UEVLD: variants seen among roughly 807,000 people sequenced by gnomAD.
The protein encoded by UEVLD is ubiquitin-conjugating enzyme E2 variant 3.
UEVLD carries 47 observed loss-of-function variants against 58.6 expected under a neutral mutation model. The observed-to-expected ratio is 0.80, with a 90% CI of 0.63 to 1.02. The LOEUF (loss-of-function observed/expected upper bound fraction) is 1.02, where lower values mean the gene tolerates loss of function less well. Ranked by LOEUF, UEVLD falls within the 50% of genes least tolerant of loss-of-function variation. The pLI is 0.00. For synonymous variants in UEVLD, 197 were observed against 195.3 expected (o/e 1.01, Z -0.07); for missense variants, 510 against 550.6 (o/e 0.93, Z 0.74).
chr11:18,538,280 CT>C (rs757843063), intron 9 of UEVLD, among the ~76,000 whole-genome samples: 318 of 140,916 alleles, frequency 2.3e-3, no homozygotes, highest in Middle Eastern at 7.4e-3. Context: ...TGCACATATT[CT>C]TTTTTTTTTT....
intron 1 of UEVLD, chr11:18,579,508 C>A: frequency 1.0e-6 from 1 of 985,364 alleles, no homozygotes; most frequent in Non-Finnish European, 1.2e-6. Flanking sequence ...TTTGGCACGG[C>A]TCATTCACTT....
chr11:18,537,373 C>G (rs1850853504), intron 9 of UEVLD, among the ~76,000 whole-genome samples: 1 of 146,208 alleles, frequency 6.8e-6, no homozygotes, highest in African/African-American at 2.5e-5. Flanking sequence ...TCGCTGTTAC[C>G]TAGCCTGGTG....
intron 5 of UEVLD, among the ~76,000 whole-genome samples, 165 bp from the exon 6 acceptor site, chr11:18,565,175 C>T (rs1453711448): frequency 1.3e-5 from 2 of 152,090 alleles, no homozygotes; most frequent in Non-Finnish European, 2.9e-5. Context: ...GGAAGGCAGA[C>T]GTTTCCTATT....
At chr11:18,542,982 T>C (rs1434895417) in intron 9 of UEVLD, among the ~76,000 whole-genome samples, 1 of 140,814 alleles carries the variant, frequency 7.1e-6, no homozygotes, top group East Asian at 2.4e-4. Context: ...AGCCTCCGCC[T>C]CCTGGGTTCA....
At chr11:18,541,416 C>A (rs1251362462) in intron 9 of UEVLD, among the ~76,000 whole-genome samples, 2 of 152,198 alleles carry the variant, frequency 1.3e-5, no homozygotes. Context: ...ATAAAAGAGA[C>A]TGATAACTGT....
At chr11:18,548,783 G>A (rs1377718432) in intron 7 of UEVLD, among the ~76,000 whole-genome samples, 1 of 152,190 alleles carries the variant, frequency 6.6e-6, no homozygotes, top group East Asian at 1.9e-4. Flanking sequence ...TGTCCACTGG[G>A]AGATGCATTA....
intron 3 of UEVLD, among the ~76,000 whole-genome samples, chr11:18,574,483 T>A (rs1382774029): frequency 1.3e-5 from 2 of 152,168 alleles, no homozygotes; most frequent in Non-Finnish European, 2.9e-5. Flanking sequence ...CCACTTCAGA[T>A]AAATATTTGG....
chr11:18,585,833 C>A (rs1416012525), intron 1 of UEVLD, among the ~76,000 whole-genome samples: 1 of 152,130 alleles, frequency 6.6e-6, no homozygotes, highest in Non-Finnish European at 1.5e-5. Flanking sequence ...CGAGGTTTCA[C>A]CATGTTGGCC....
chr11:18,572,680 A>G (rs1321273667), intron 3 of UEVLD, among the ~76,000 whole-genome samples: 2 of 151,912 alleles, frequency 1.3e-5, no homozygotes, highest in East Asian at 3.9e-4. Context: ...GGTGCACACC[A>G]GTAATCCCAG....
intron 7 of UEVLD, among the ~76,000 whole-genome samples, chr11:18,555,350 C>T (rs1380911268): frequency 6.6e-6 from 1 of 151,292 alleles, no homozygotes; most frequent in Non-Finnish European, 1.5e-5. Flanking sequence ...GGTGTGAACC[C>T]GGGAGGTGGA....
intron 10 of UEVLD, 59 bp downstream of exon 10, chr11:18,536,347 G>A: frequency 6.9e-7 from 1 of 1,458,334 alleles, no homozygotes. Flanking sequence ...ATAAATAGCT[G>A]TTAGCTATGA....
intron 4 of UEVLD, chr11:18,569,962 C>T (rs945698510): frequency 1.9e-5 from 5 of 263,024 alleles, no homozygotes; most frequent in South Asian, 8.7e-5. Flanking sequence ...AAGTGGGAAA[C>T]GACTATAAAA....
At chr11:18,541,228 T>C (rs999300065) in intron 9 of UEVLD, among the ~76,000 whole-genome samples, 1 of 152,200 alleles carries the variant, frequency 6.6e-6, no homozygotes. Flanking sequence ...ACTTGTAAAT[T>C]AGAGAGGCTG....
Position 18,588,651 on chromosome 11 carries a change from C to T in UEVLD, c.4G>A (p.Glu2Lys), listed in dbSNP as rs1471063674. Residue 2 changes from glutamate (E) to lysine (K), a missense_variant, in exon 1 of 12, where the codon GAG (glutamate) becomes AAG (lysine). Transcript: ENST00000396197. Reference sequence around the variant, plus strand: ...CGTCTCAGGCCCTCGCAGTCGAACTCCATCTCCAGGCCGGTCCCGAGCTAG... The same window carrying T: ...CGTCTCAGGCCCTCGCAGTCGAACTTCATCTCCAGGCCGGTCCCGAGCTAG... M[E>K]FDCEGLRRLL... The T allele has an allele frequency of 2.5e-6, 4 of 1,609,520 alleles. No individual in the cohort carries two copies. The Middle Eastern group carries it at 4.9e-4, about 198-fold the overall frequency.
chr11:18,579,156 C>G (rs1438232220), intron 1 of UEVLD, among the ~76,000 whole-genome samples: 3 of 152,128 alleles, frequency 2.0e-5, no homozygotes, highest in African/African-American at 7.2e-5. Flanking sequence ...CGTGAGCCAC[C>G]ACGCCCGGCC....
intron 6 of UEVLD, among the ~76,000 whole-genome samples, chr11:18,558,782 CAA>C (rs760975470): frequency 1.6e-4 from 19 of 118,214 alleles, no homozygotes; most frequent in Admixed American, 2.6e-4. Context: ...GACTCTATCT[CAA>C]AAAAAAAAAA....
intron 7 of UEVLD, among the ~76,000 whole-genome samples, chr11:18,549,579 C>T (rs188765879): frequency 2.4e-4 from 37 of 151,852 alleles, no homozygotes; most frequent in African/African-American, 7.5e-4. Flanking sequence ...CCACTGAGCC[C>T]GGCTAATTTT....
chr11:18,546,952 T>C lies in UEVLD; in HGVS notation c.814A>G (p.Met272Val), dbSNP rs777555832. 1 of 1,614,146 alleles carries C rather than the reference T, an allele frequency of 6.2e-7. No homozygotes were observed. The highest frequency in any genetic ancestry group is 8.5e-7 in the Non-Finnish European group (1 of 1,180,028). ...YLDVVQSNVD[M>V]FRALVPALGH... ...AGAGCTGGGACAAGGGCTCTGAACA[T>C]ATCCACATTGCTCTGTACCACATCA... The change falls in exon 8 of 12, where the codon ATG (methionine) becomes GTG (valine). Residue 272 changes from methionine (M) to valine (V), a missense_variant. Met to Val is a conservative substitution (Grantham distance 21). Transcript: ENST00000396197.
In UEVLD at chr11:18,566,559, T is replaced by C. The variant is rs562145347; in HGVS notation, c.358-77A>G. On this transcript the variant is annotated intron_variant, in intron 4 of 11. Coordinates refer to ENST00000396197, the MANE Select transcript of UEVLD (RefSeq NM_001040697.4). ...TACTACCTTTGTTGAGGCAGGAGTA[T>C]TACTTGAGCCCAGGAGTTTCAGATG... is the stretch of plus-strand genomic sequence containing the variant. 4.0e-6 allele frequency: 6 copies of C among 1,493,738 alleles called. No homozygotes were observed. The African/African-American group carries it at 7.0e-5, about 17-fold the overall frequency. The allele number at this position is 1,493,738 out of a possible 1,614,324, so 92.5% of individuals were successfully genotyped here.
Sources: allele counts gnomAD v4.1 joint callset (sites outside exome capture counted in the v4.1 genomes callset), GRCh38; gene constraint gnomAD v4.1.1; transcripts MANE v1.5; gene names NCBI Gene and HGNC (gene_info 2026-07-23, HGNC 2026-07-21).